DRD2: variants seen among roughly 807,000 people sequenced by gnomAD.
DRD2 encodes the protein dopamine receptor D2.
Under a neutral mutation model 38.0 loss-of-function variants are expected in DRD2, and 8 were observed. The ratio of observed to expected loss-of-function variants is 0.21; its 90% CI spans 0.12 to 0.38. The LOEUF (loss-of-function observed/expected upper bound fraction) is 0.38, where lower values mean the gene tolerates loss of function less well. Among genes scored for constraint, DRD2 ranks in the 10% least tolerant of loss-of-function variants. The probability of loss-of-function intolerance (pLI) is 1.00; values close to 1 mark genes in which losing one functional copy is unlikely to be tolerated. For missense variants in DRD2, 403 were observed against 607.7 expected, an observed-to-expected ratio of 0.66 and a Z score of 3.54; for synonymous variants, 230 against 238.6, an observed-to-expected ratio of 0.96 and a Z score of 0.33.
At chr11:113,426,041 G>A (rs1025907067) in intron 1 of DRD2, among the ~76,000 whole-genome samples, 1 of 152,086 alleles carries the variant, frequency 6.6e-6, no homozygotes, top group Non-Finnish European at 1.5e-5. Flanking sequence ...GAGCTCAGAG[G>A]AGAGTGATGT....
At chr11:113,442,830 GC>G (rs1951106964) in intron 1 of DRD2, among the ~76,000 whole-genome samples, 1 of 152,156 alleles carries the variant, frequency 6.6e-6, no homozygotes, top group South Asian at 2.1e-4. Context: ...GGACTCTACC[GC>G]ATGCATCAGC....
chr11:113,475,356 C>A lies in DRD2; in HGVS notation c.-312G>T, dbSNP rs1405129695. On this transcript the variant is annotated 5_prime_UTR_variant, in exon 1 of 8. Coordinates refer to ENST00000362072, the MANE Select transcript of DRD2 (RefSeq NM_000795.4). ...GGCAGGAGGGAGCGCGGGGACGGGG[C>A]GGAGGCGGCGCGGTGCGCGCGTGAG... The A allele has an allele frequency of 2.7e-5, 4 of 150,194 alleles. No homozygotes were observed. The East Asian group carries it at 7.8e-4, about 29-fold the overall frequency. The allele number at this position is 150,194 out of a possible 1,614,324, so 9.3% of individuals were successfully genotyped here.
chr11:113,416,755 T>C (rs966494813), intron 4 of DRD2, 108 bp downstream of exon 4: 10 of 1,492,062 alleles, frequency 6.7e-6, no homozygotes, highest in South Asian at 6.1e-5. Context: ...TAGGCCTCCA[T>C]TGGGCCTCCA....
chr11:113,413,008 A>T, intron 6 of DRD2, 125 bp from the exon 7 acceptor site: 1 of 1,095,400 alleles, frequency 9.1e-7, no homozygotes, highest in South Asian at 1.5e-5. Context: ...TCACCCTGCC[A>T]GGGAGGCAAG....
chr11:113,465,409 TTG>T (rs766865596), intron 1 of DRD2, among the ~76,000 whole-genome samples: 11 of 99,584 alleles, frequency 1.1e-4, no homozygotes, highest in Admixed American at 3.6e-4. Flanking sequence ...TTTGTTGTTG[TTG>T]TTGTTTGTTT....
chr11:113,427,980 T>C (rs1311782588), intron 1 of DRD2, among the ~76,000 whole-genome samples: 1 of 151,736 alleles, frequency 6.6e-6, no homozygotes, highest in Non-Finnish European at 1.5e-5. Context: ...AGAGACCAAG[T>C]GGGAATGCAG....
chr11:113,443,884 G>A (rs549800415), intron 1 of DRD2, among the ~76,000 whole-genome samples: 12 of 151,934 alleles, frequency 7.9e-5, no homozygotes, highest in East Asian at 3.9e-4. Context: ...AAATCTAAGC[G>A]TCTACACTAT....
At chr11:113,434,328 C>T (rs890586785) in intron 1 of DRD2, among the ~76,000 whole-genome samples, 1 of 152,226 alleles carries the variant, frequency 6.6e-6, no homozygotes, top group Non-Finnish European at 1.5e-5. Flanking sequence ...GTTTGAGAGA[C>T]GTCCATGGAG....
At chr11:113,416,316 T>C (rs1950826262) in intron 4 of DRD2, among the ~76,000 whole-genome samples, 1 of 152,210 alleles carries the variant, frequency 6.6e-6, no homozygotes, top group African/African-American at 2.4e-5. Context: ...GCGGGGGCTT[T>C]GTGTTGCCTC....
At chr11:113,447,657 C>G (rs1951165388) in intron 1 of DRD2, 1 of 152,324 alleles carries the variant, frequency 6.6e-6, no homozygotes, top group African/African-American at 2.4e-5. Flanking sequence ...GTCCATGAAG[C>G]AAGACAGACA....
intron 1 of DRD2, among the ~76,000 whole-genome samples, chr11:113,460,285 C>T (rs1255072897): frequency 6.6e-6 from 1 of 152,258 alleles, no homozygotes; most frequent in African/African-American, 2.4e-5. Flanking sequence ...CCAGCCCCAG[C>T]AGCACTTGTG....
At chr11:113,456,496 T>A (rs1391252281) in intron 1 of DRD2, among the ~76,000 whole-genome samples, 3 of 152,066 alleles carry the variant, frequency 2.0e-5, no homozygotes, top group Non-Finnish European at 4.4e-5. Flanking sequence ...CCACAATACA[T>A]ACATGTATTG....
chr11:113,411,007 T>C (rs997306036), intron 7 of DRD2, 87 bp from the exon 8 acceptor site: 9 of 1,438,778 alleles, frequency 6.3e-6, no homozygotes, highest in Non-Finnish European at 8.6e-6. Flanking sequence ...CTGGCTCGTA[T>C]GCCAAGACGG....
intron 1 of DRD2, among the ~76,000 whole-genome samples, chr11:113,433,335 G>T (rs529986736): frequency 6.6e-6 from 1 of 152,160 alleles, no homozygotes; most frequent in Non-Finnish European, 1.5e-5. Flanking sequence ...TAAGGGGAAG[G>T]GCTCCTCCTT....
chr11:113,447,780 C>T (rs1414211620), intron 1 of DRD2: 1 of 152,288 alleles, frequency 6.6e-6, no homozygotes, highest in East Asian at 1.9e-4. Flanking sequence ...AGTGGCTTCC[C>T]TCTTCTGGCC....
At chr11:113,429,793 T>C (rs1011623846) in intron 1 of DRD2, among the ~76,000 whole-genome samples, 1 of 152,212 alleles carries the variant, frequency 6.6e-6, no homozygotes, top group African/African-American at 2.4e-5. Context: ...AAGTCCCAAC[T>C]CTACCATTTA....
intron 1 of DRD2, among the ~76,000 whole-genome samples, chr11:113,472,565 T>C (rs1951439626): frequency 6.6e-6 from 1 of 152,222 alleles, no homozygotes; most frequent in Non-Finnish European, 1.5e-5. Flanking sequence ...ACAAGCATCA[T>C]TACTAGCCTT....
chr11:113,425,932 G>C (rs559601543), intron 1 of DRD2, among the ~76,000 whole-genome samples: 9 of 152,202 alleles, frequency 5.9e-5, no homozygotes, highest in African/African-American at 1.9e-4. Context: ...ACATTTACAG[G>C]CCAGATTGTG....
chr11:113,426,188 C>T (rs1261883006), intron 1 of DRD2, among the ~76,000 whole-genome samples: 2 of 151,790 alleles, frequency 1.3e-5, no homozygotes, highest in African/African-American at 2.4e-5. Context: ...AGGTGTGGGG[C>T]AAAAGTGGGT....
Sources: allele counts gnomAD v4.1 joint callset (sites outside exome capture counted in the v4.1 genomes callset), GRCh38; gene constraint gnomAD v4.1.1; transcripts MANE v1.5; gene names NCBI Gene and HGNC (gene_info 2026-07-23, HGNC 2026-07-21).